HS3ST4: variants seen among roughly 807,000 people sequenced by gnomAD.
HS3ST4 encodes heparan sulfate-glucosamine 3-sulfotransferase 4.
Under a neutral mutation model 29.2 loss-of-function variants are expected in HS3ST4, and 17 were observed. That is an observed-to-expected ratio of 0.58 (90% CI 0.40 to 0.87). HS3ST4 has a LOEUF of 0.87. Ranked by LOEUF, HS3ST4 falls within the 40% of genes least tolerant of loss-of-function variation. The pLI, the probability that HS3ST4 is intolerant of heterozygous loss-of-function variation, is 0.00. For missense variants in HS3ST4, 627 were observed against 634.5 expected, an observed-to-expected ratio of 0.99 and a Z score of 0.13; for synonymous variants, 314 against 285.7, an observed-to-expected ratio of 1.10 and a Z score of -1.00.
At chr16:25,954,740 G>T (rs1310651759) in intron 1 of HS3ST4, among the ~76,000 whole-genome samples, 1 of 152,146 alleles carries the variant, frequency 6.6e-6, no homozygotes, top group Non-Finnish European at 1.5e-5. Flanking sequence ...GCTCTTTGGA[G>T]CATTTTGGAG....
chr16:25,756,990 G>T (rs1966762091), intron 1 of HS3ST4, among the ~76,000 whole-genome samples: 1 of 152,124 alleles, frequency 6.6e-6, no homozygotes, highest in Non-Finnish European at 1.5e-5. Context: ...CCTGAGGGAA[G>T]GTACCTAGCC....
intron 1 of HS3ST4, among the ~76,000 whole-genome samples, chr16:25,927,529 A>ATC (rs1233445471): frequency 6.6e-6 from 1 of 152,182 alleles, no homozygotes; most frequent in Non-Finnish European, 1.5e-5. Flanking sequence ...GACAGCTTTG[A>ATC]TCATGCTCAA....
intron 1 of HS3ST4, among the ~76,000 whole-genome samples, chr16:25,819,074 G>A (rs1035864650): frequency 1.3e-5 from 2 of 152,110 alleles, no homozygotes; most frequent in Non-Finnish European, 2.9e-5. Context: ...TTACCCCGGG[G>A]TCACCCAATT....
At chr16:25,697,850 T>G (rs1966308773) in intron 1 of HS3ST4, among the ~76,000 whole-genome samples, 1 of 152,156 alleles carries the variant, frequency 6.6e-6, no homozygotes, top group African/African-American at 2.4e-5. Context: ...TTTTTGTATC[T>G]TTAGTAGAGA....
chr16:25,849,827 CAT>C (rs140522541), intron 1 of HS3ST4, among the ~76,000 whole-genome samples: 44,267 of 151,814 alleles, frequency 0.29, 6,868 homozygotes, highest in Admixed American at 0.35. Flanking sequence ...TAATCTATCA[CAT>C]GTTTTATTAA....
intron 1 of HS3ST4, among the ~76,000 whole-genome samples, chr16:26,097,902 C>A (rs28827202): frequency 0.033 from 5,099 of 152,254 alleles, 268 homozygotes; most frequent in African/African-American, 0.11. Flanking sequence ...AAACAAGCAA[C>A]CCCATCAAAA....
chr16:25,811,622 G>A (rs564645246), intron 1 of HS3ST4, among the ~76,000 whole-genome samples: 9 of 151,388 alleles, frequency 5.9e-5, no homozygotes, highest in South Asian at 2.1e-4. Context: ...TAGTAGAGAC[G>A]GGGTTTCTCC....
At chr16:26,089,100 T>C (rs185139568) in intron 1 of HS3ST4, among the ~76,000 whole-genome samples, 2 of 152,196 alleles carry the variant, frequency 1.3e-5, no homozygotes, top group Non-Finnish European at 2.9e-5. Context: ...TGCAAGTGTA[T>C]GCCTAACAGC....
intron 1 of HS3ST4, among the ~76,000 whole-genome samples, chr16:25,952,126 T>G (rs943199378): frequency 1.3e-5 from 2 of 152,240 alleles, no homozygotes; most frequent in Non-Finnish European, 2.9e-5. Flanking sequence ...ATGGCTGCAT[T>G]TGAGCCACAG....
intron 1 of HS3ST4, among the ~76,000 whole-genome samples, chr16:25,898,180 A>G (rs1233377158): frequency 6.6e-6 from 1 of 152,194 alleles, no homozygotes; most frequent in African/African-American, 2.4e-5. Context: ...TATCAAACTA[A>G]CAACCTCTTG....
chr16:25,913,877 G>A (rs1968264471), intron 1 of HS3ST4, among the ~76,000 whole-genome samples: 1 of 148,238 alleles, frequency 6.7e-6, no homozygotes, highest in Non-Finnish European at 1.5e-5. Flanking sequence ...GGGTGTGTGT[G>A]GGGTATAGTA....
At chr16:25,963,613 C>T (rs1276642485) in intron 1 of HS3ST4, among the ~76,000 whole-genome samples, 1 of 152,222 alleles carries the variant, frequency 6.6e-6, no homozygotes, top group African/African-American at 2.4e-5. Flanking sequence ...CATGTACTCC[C>T]AAAGGCATTT....
intron 1 of HS3ST4, among the ~76,000 whole-genome samples, chr16:25,955,996 A>G (rs1968728473): frequency 6.6e-6 from 1 of 151,762 alleles, no homozygotes; most frequent in Admixed American, 6.6e-5. Context: ...TTTGTATTTT[A>G]GTTGAGATGG....
intron 1 of HS3ST4, among the ~76,000 whole-genome samples, chr16:25,710,374 C>G (rs1331486903): frequency 6.6e-6 from 1 of 152,150 alleles, no homozygotes; most frequent in Non-Finnish European, 1.5e-5. Flanking sequence ...GGACCTTGGA[C>G]TTGTTAAGCC....
At chr16:25,933,223 C>T (rs117559033) in intron 1 of HS3ST4, among the ~76,000 whole-genome samples, 7,111 of 152,178 alleles carry the variant, frequency 0.047, 218 homozygotes, top group Middle Eastern at 0.065. Context: ...TATGTGGAGG[C>T]GAAGAGGAAG....
intron 1 of HS3ST4, among the ~76,000 whole-genome samples, chr16:25,752,346 A>G (rs189081869): frequency 6.4e-4 from 97 of 152,320 alleles, no homozygotes; most frequent in Non-Finnish European, 3.1e-4. Context: ...GGATATGTGT[A>G]CTTGGACAAG....
chr16:26,113,454 G>A (rs56287356), intron 1 of HS3ST4, among the ~76,000 whole-genome samples: 112,545 of 144,232 alleles, frequency 0.78, 44,493 homozygotes, highest in Middle Eastern at 0.84. Flanking sequence ...TCAAAAAAAA[G>A]AAAATACAAT....
intron 1 of HS3ST4, among the ~76,000 whole-genome samples, chr16:25,884,441 T>C (rs924768103): frequency 6.6e-6 from 1 of 152,256 alleles, no homozygotes; most frequent in Non-Finnish European, 1.5e-5. Context: ...AAATCCTGTT[T>C]AATTTTTAAA....
intron 1 of HS3ST4, among the ~76,000 whole-genome samples, chr16:26,101,135 G>C (rs956484927): frequency 6.6e-6 from 1 of 152,126 alleles, no homozygotes; most frequent in African/African-American, 2.4e-5. Context: ...AGAACCTCTG[G>C]TCCAAGTTAC....
Sources: gnomAD v4.1 joint callset for allele counts (sites outside exome capture counted in the v4.1 genomes callset) on GRCh38, gnomAD v4.1.1 for gene constraint, MANE v1.5 for transcripts, NCBI Gene and HGNC (gene_info 2026-07-23, HGNC 2026-07-21) for gene names.